Variants in ANKH observed in about 807,000 individuals in gnomAD.
ANKH encodes ANKH inorganic pyrophosphate transport regulator.
In ANKH, 15 loss-of-function variants were observed where a neutral mutation model predicts 49.0. The ratio of observed to expected loss-of-function variants is 0.31; its 90% CI spans 0.20 to 0.47. The LOEUF (loss-of-function observed/expected upper bound fraction) is 0.47, where lower values mean the gene tolerates loss of function less well. Ranked by LOEUF, ANKH falls within the 20% of genes least tolerant of loss-of-function variation. ANKH has a pLI of 1.00. For missense variants in ANKH, 429 were observed against 652.0 expected, an observed-to-expected ratio of 0.66 and a Z score of 3.72; for synonymous variants, 273 against 260.0, an observed-to-expected ratio of 1.05 and a Z score of -0.48.
Position 14,712,881 on chromosome 5 carries a change from C to T in ANKH, c.1358G>A (p.Arg453Gln), listed in dbSNP as rs374804595. Residue 453 changes from arginine to glutamine, a missense_variant, in exon 11 of 12, where the codon CGG becomes CAG. This residue lies in a region of ANKH where 378 missense variants were observed against 615.3 expected (regional missense o/e 0.61). Coordinates refer to ENST00000284268, the MANE Select transcript of ANKH (RefSeq NM_054027.6). ...CCGGCGCGGCTGTCTCACCTGCTTC[C>T]GGTAGACATAGCACGCAGCGATGGC... Reference protein sequence around the residue: ...MVAIAACYVYRKQKKKMENES... With the variant: ...MVAIAACYVYQKQKKKMENES... 72 of 1,609,334 alleles carry T rather than the reference C, an allele frequency of 4.5e-5. No homozygotes were observed. Among genetic ancestry groups the T allele is most frequent in the South Asian group, 4.1e-4 (37 of 89,858 alleles).
chr5:14,798,055 C>T, intron 1 of ANKH: 1 of 1,585,396 alleles, frequency 6.3e-7, no homozygotes, highest in South Asian at 1.1e-5. Flanking sequence ...ATTTCTATTT[C>T]AATTTTTCCA....
intron 1 of ANKH, among the ~76,000 whole-genome samples, chr5:14,859,238 A>C (rs1405031995): frequency 6.6e-6 from 1 of 152,196 alleles, no homozygotes; most frequent in Non-Finnish European, 1.5e-5. Context: ...ACTGTTCTGC[A>C]TACCTTATAT....
chr5:14,817,507 A>G (rs1260216667), intron 1 of ANKH, among the ~76,000 whole-genome samples: 2 of 152,210 alleles, frequency 1.3e-5, no homozygotes, highest in East Asian at 3.8e-4. Context: ...TCTCCCAGTC[A>G]TATACTCTGT....
At chr5:14,799,989 G>C (rs1740520470) in intron 1 of ANKH, among the ~76,000 whole-genome samples, 1 of 152,156 alleles carries the variant, frequency 6.6e-6, no homozygotes, top group South Asian at 2.1e-4. Context: ...ATGCCATTAA[G>C]AGAACATTCC....
At chr5:14,731,207 C>A (rs1737990453) in intron 8 of ANKH, among the ~76,000 whole-genome samples, 1 of 152,186 alleles carries the variant, frequency 6.6e-6, no homozygotes, top group African/African-American at 2.4e-5. Flanking sequence ...GGATCTTTAT[C>A]ATTTCCAAAT....
rs1440033298 is a variant in ANKH, at chr5:14,705,233, G to A, written c.*5964C>T. 1 of 151,834 alleles carries A rather than the reference G, an allele frequency of 6.6e-6. No homozygotes were observed. The highest frequency in any genetic ancestry group is 1.5e-5 in the Non-Finnish European group (1 of 68,012). 9.4% of individuals were successfully genotyped at this position (151,834 alleles called of 1,614,324 possible). ...TGTGAAACTGACAAACCTATGGGCTGACAGCCACAGCCCATGTAGAGGAAT... is the reference window on the plus strand; with the variant it reads ...TGTGAAACTGACAAACCTATGGGCTAACAGCCACAGCCCATGTAGAGGAAT... On this transcript the variant is annotated 3_prime_UTR_variant, in exon 12 of 12. Coordinates refer to ENST00000284268, the MANE Select transcript of ANKH (RefSeq NM_054027.6).
intron 1 of ANKH, among the ~76,000 whole-genome samples, chr5:14,787,504 T>C (rs1019347834): frequency 3.3e-5 from 5 of 152,172 alleles, no homozygotes; most frequent in African/African-American, 1.2e-4. Flanking sequence ...CTGGTTATTT[T>C]AGGAGAAGTG....
intron 8 of ANKH, 162 bp from the exon 9 acceptor site, chr5:14,716,997 C>A: frequency 1.2e-6 from 1 of 842,860 alleles, no homozygotes; most frequent in Non-Finnish European, 1.9e-6. Context: ...GCTTGCTTGA[C>A]TCTCTTCTGA....
At chr5:14,789,206 C>T (rs138762077) in intron 1 of ANKH, among the ~76,000 whole-genome samples, 110 of 152,098 alleles carry the variant, frequency 7.2e-4, no homozygotes, top group Middle Eastern at 3.4e-3. Flanking sequence ...CCAGCCTGGG[C>T]GACATGAATG....
chr5:14,771,563 C>A (rs1216884235), intron 1 of ANKH, among the ~76,000 whole-genome samples: 7 of 152,082 alleles, frequency 4.6e-5, no homozygotes, highest in Non-Finnish European at 8.8e-5. Flanking sequence ...TGGTGCCATC[C>A]CTATTGAAGT....
chr5:14,773,775 C>G (rs937144564), intron 1 of ANKH, among the ~76,000 whole-genome samples: 7 of 152,342 alleles, frequency 4.6e-5, no homozygotes, highest in African/African-American at 1.7e-4. Context: ...TTGTTTACTG[C>G]TGTTCACCTA....
chr5:14,721,390 G>T (rs1286273077), intron 8 of ANKH, among the ~76,000 whole-genome samples: 1 of 152,130 alleles, frequency 6.6e-6, no homozygotes, highest in East Asian at 1.9e-4. Flanking sequence ...GGGTCTTCGC[G>T]GGGTATCGGA....
chr5:14,841,013 C>T (rs1741799920), intron 1 of ANKH, among the ~76,000 whole-genome samples: 1 of 152,128 alleles, frequency 6.6e-6, no homozygotes, highest in African/African-American at 2.4e-5. Flanking sequence ...CTTCAGCCTA[C>T]AACACATGTC....
intron 1 of ANKH, among the ~76,000 whole-genome samples, chr5:14,819,956 A>T (rs1347459829): frequency 6.6e-6 from 1 of 151,232 alleles, no homozygotes; most frequent in Non-Finnish European, 1.5e-5. Flanking sequence ...CTAATCTCTA[A>T]CAACCTTTGC....
chr5:14,793,178 T>C (rs1054696630), intron 1 of ANKH, among the ~76,000 whole-genome samples: 8 of 149,568 alleles, frequency 5.3e-5, no homozygotes, highest in African/African-American at 2.0e-4. Flanking sequence ...GTGGACACTC[T>C]TACCAAAGTT....
chr5:14,752,179 G>A (rs893026970), intron 4 of ANKH, among the ~76,000 whole-genome samples: 1 of 152,042 alleles, frequency 6.6e-6, no homozygotes, highest in African/African-American at 2.4e-5. Context: ...GTGTCGTGGT[G>A]CACACCCGTA....
chr5:14,861,479 C>G (rs1173253563), intron 1 of ANKH, among the ~76,000 whole-genome samples: 1 of 152,210 alleles, frequency 6.6e-6, no homozygotes, highest in Non-Finnish European at 1.5e-5. Context: ...GGACTCTGCT[C>G]TGTTTTTGGA....
At chr5:14,790,771 G>A (rs767131382) in intron 1 of ANKH, among the ~76,000 whole-genome samples, 1 of 151,358 alleles carries the variant, frequency 6.6e-6, no homozygotes, top group Non-Finnish European at 1.5e-5. Context: ...ACCATGCCCA[G>A]TTAATTTTTT....
intron 5 of ANKH, among the ~76,000 whole-genome samples, chr5:14,750,675 A>G (rs911566092): frequency 6.6e-6 from 1 of 152,248 alleles, no homozygotes; most frequent in African/African-American, 2.4e-5. Context: ...GCATAAACAA[A>G]GCCTGGATCC....
Sources: gnomAD v4.1 joint callset for allele counts (sites outside exome capture counted in the v4.1 genomes callset) on GRCh38, gnomAD v4.1.1 for gene constraint, gnomAD v4.1.1 regional missense constraint, MANE v1.5 for transcripts, NCBI Gene and HGNC (gene_info 2026-07-23, HGNC 2026-07-21) for gene names.